Variants in PARD3B observed in about 807,000 individuals in gnomAD.
PARD3B encodes the protein par-3 family cell polarity regulator beta.
In PARD3B, 103 loss-of-function variants were observed where a neutral mutation model predicts 130.2. That is an observed-to-expected ratio of 0.79 (90% CI 0.67 to 0.93). The LOEUF is 0.93. Among genes scored for constraint, PARD3B ranks in the 40% least tolerant of loss-of-function variants. The pLI is 0.00. For synonymous variants in PARD3B, 583 were observed against 553.2 expected, an observed-to-expected ratio of 1.05 and a Z score of -0.76; for missense variants, 1,609 against 1,499.2, an observed-to-expected ratio of 1.07 and a Z score of -1.21.
At chr2:205,492,474 G>T (rs775334009) in intron 20 of PARD3B, among the ~76,000 whole-genome samples, 105 of 152,088 alleles carry the variant, frequency 6.9e-4, no homozygotes, top group Non-Finnish European at 1.3e-3. Context: ...CTTGTTATTT[G>T]GGGGGAATCT....
intron 19 of PARD3B, among the ~76,000 whole-genome samples, chr2:205,414,471 ATAAC>A (rs2046707051): frequency 6.6e-6 from 1 of 152,306 alleles, no homozygotes; most frequent in East Asian, 1.9e-4. Context: ...TAGGAAAAGA[ATAAC>A]TATCTATTAA....
At chr2:204,848,503 G>A (rs1393333573) in intron 2 of PARD3B, among the ~76,000 whole-genome samples, 2 of 152,094 alleles carry the variant, frequency 1.3e-5, no homozygotes, top group Non-Finnish European at 2.9e-5. Context: ...TAGTTAGCTG[G>A]GTGTGTGGTA....
intron 2 of PARD3B, among the ~76,000 whole-genome samples, chr2:204,834,812 C>G (rs946481023): frequency 1.3e-5 from 2 of 152,150 alleles, no homozygotes; most frequent in African/African-American, 4.8e-5. Flanking sequence ...ATCACTTTTA[C>G]TGTGTCAGCG....
chr2:204,738,747 GC>G (rs2039867372), intron 2 of PARD3B, among the ~76,000 whole-genome samples: 1 of 152,130 alleles, frequency 6.6e-6, no homozygotes, highest in Non-Finnish European at 1.5e-5. Context: ...CCTAGAGGGT[GC>G]CCCAATTCTC....
intron 2 of PARD3B, among the ~76,000 whole-genome samples, chr2:204,750,899 T>A (rs1396024983): frequency 6.6e-6 from 1 of 152,206 alleles, no homozygotes; most frequent in Non-Finnish European, 1.5e-5. Context: ...TACATTTTTT[T>A]AAAAATGTAA....
At chr2:204,576,146 C>G (rs1440284387) in intron 1 of PARD3B, among the ~76,000 whole-genome samples, 1 of 152,124 alleles carries the variant, frequency 6.6e-6, no homozygotes, top group African/African-American at 2.4e-5. Flanking sequence ...ATCATCTAGC[C>G]TTTGGTCTGA....
At chr2:204,945,100 C>T (rs548292688) in intron 2 of PARD3B, among the ~76,000 whole-genome samples, 18 of 152,326 alleles carry the variant, frequency 1.2e-4, no homozygotes, top group African/African-American at 3.4e-4. Flanking sequence ...ACAGTACCAT[C>T]GGGTTCATAT....
intron 18 of PARD3B, among the ~76,000 whole-genome samples, chr2:205,371,879 A>G (rs1016965792): frequency 1.3e-5 from 2 of 152,104 alleles, no homozygotes; most frequent in African/African-American, 4.8e-5. Context: ...TGTCTATTCT[A>G]TATATTTAAT....
At chr2:205,354,344 A>G (rs1386994846) in intron 18 of PARD3B, among the ~76,000 whole-genome samples, 1 of 152,030 alleles carries the variant, frequency 6.6e-6, no homozygotes, top group Non-Finnish European at 1.5e-5. Context: ...AACCCCTCAG[A>G]CAGCAGATTA....
At chr2:205,606,294 A>G (rs2054995338) in intron 22 of PARD3B, among the ~76,000 whole-genome samples, 1 of 152,096 alleles carries the variant, frequency 6.6e-6, no homozygotes, top group South Asian at 2.1e-4. Context: ...GAACCATGGG[A>G]AAAGCATGGT....
Position 204,678,575 on chromosome 2 carries a change from C to T in PARD3B, c.121-7606C>T, listed in dbSNP as rs570195301. On this transcript the variant is annotated intron_variant, in intron 1 of 22. Coordinates refer to ENST00000406610, the MANE Select transcript of PARD3B (RefSeq NM_001302769.2). The surrounding 1 kb of genome is among the most constrained non-coding windows in gnomAD (Gnocchi z 4.2). ...TCCTTGAAGCCTGGCTGACTCCAGC[C>T]GGGTCGTCTCCGAAGTCGTGTGGTC... 6.6e-6 allele frequency among the ~76,000 whole-genome samples: 1 copy of T among 152,044 alleles called. No homozygotes were observed. Among genetic ancestry groups the T allele is most frequent in the African/African-American group, 2.4e-5 (1 of 41,380 alleles).
intron 18 of PARD3B, among the ~76,000 whole-genome samples, chr2:205,396,984 T>C (rs2046053953): frequency 6.6e-6 from 1 of 152,048 alleles, no homozygotes; most frequent in African/African-American, 2.4e-5. Context: ...AACAAAGGCT[T>C]GGAAAGTCAC....
At chr2:205,399,634 C>T (rs920275572) in intron 18 of PARD3B, among the ~76,000 whole-genome samples, 1 of 152,186 alleles carries the variant, frequency 6.6e-6, no homozygotes, top group East Asian at 1.9e-4. Context: ...GGATTACAGG[C>T]GTGAGCCACC....
chr2:205,527,833 G>C (rs1451544494), intron 21 of PARD3B, among the ~76,000 whole-genome samples: 1 of 152,162 alleles, frequency 6.6e-6, no homozygotes, highest in African/African-American at 2.4e-5. Context: ...ATTCATCTTA[G>C]GAGTAACACA....
chr2:205,121,879 C>G lies in PARD3B; in HGVS notation c.1095C>G (p.Pro365=). 1 of 1,614,004 alleles carries G rather than the reference C, an allele frequency of 6.2e-7. No homozygotes were observed. Among genetic ancestry groups the G allele is most frequent in the East Asian group, 2.2e-5 (1 of 44,870 alleles). Residue 365 remains proline, a synonymous_variant, in exon 8 of 23, where the codon CCC becomes CCG. Transcript: ENST00000406610. This position sits in a 1 kb window ranked among gnomAD's most constrained non-coding sequence, Gnocchi z 5.0. ...VPRLGGKPSS[P]SLSPLMGFGS... is the part of the protein sequence containing the mutation. ...GGCTGGGAGGAAAACCATCCTCTCC[C>G]TCACTCTCGCCTCTCATGGGATTTG...
At chr2:204,732,728 G>A (rs2039571703) in intron 2 of PARD3B, among the ~76,000 whole-genome samples, 1 of 152,122 alleles carries the variant, frequency 6.6e-6, no homozygotes, top group Non-Finnish European at 1.5e-5. Flanking sequence ...TAATTCTAGA[G>A]ACATGTGTAC....
At chr2:205,586,095 A>T (rs1453934879) in intron 22 of PARD3B, among the ~76,000 whole-genome samples, 1 of 152,220 alleles carries the variant, frequency 6.6e-6, no homozygotes, top group Non-Finnish European at 1.5e-5. Context: ...AAGTAAGTTC[A>T]TGATTTACCC....
intron 19 of PARD3B, among the ~76,000 whole-genome samples, chr2:205,418,650 A>G (rs1474988061): frequency 6.6e-6 from 1 of 152,208 alleles, no homozygotes; most frequent in African/African-American, 2.4e-5. Flanking sequence ...TGTGCAGCAA[A>G]TTAGAAGAGA....
chr2:205,131,819 T>G (rs2032024751), intron 10 of PARD3B, among the ~76,000 whole-genome samples: 1 of 152,170 alleles, frequency 6.6e-6, no homozygotes, highest in Non-Finnish European at 1.5e-5. Context: ...TGAGAAGTAG[T>G]GCTATTTTGA....
Sources: gnomAD v4.1 joint callset for allele counts (sites outside exome capture counted in the v4.1 genomes callset) on GRCh38, gnomAD v4.1.1 for gene constraint, Gnocchi (gnomAD v3.1) non-coding constraint, MANE v1.5 for transcripts, NCBI Gene and HGNC (gene_info 2026-07-23, HGNC 2026-07-21) for gene names.